Variants in OSBP2 observed in about 807,000 individuals in gnomAD.
OSBP2 encodes the protein oxysterol binding protein 2, also known as oxysterol-binding protein 2.
OSBP2 carries 66 observed loss-of-function variants against 96.0 expected under a neutral mutation model. The observed-to-expected ratio is 0.69, with a 90% confidence interval of 0.56 to 0.84. The LOEUF (loss-of-function observed/expected upper bound fraction) is 0.84. OSBP2 is among the 40% of genes least tolerant of loss of function. OSBP2 has a pLI of 0.00. For missense variants in OSBP2, 1,038 were observed against 1,222.7 expected (o/e 0.85, Z 2.25); for synonymous variants, 525 against 520.9 (o/e 1.01, Z -0.11).
intron 2 of OSBP2, among the ~76,000 whole-genome samples, chr22:30,842,045 C>T (rs574341536): frequency 1.3e-5 from 2 of 152,090 alleles, no homozygotes; most frequent in Admixed American, 1.3e-4. Flanking sequence ...TCCCTGGGCT[C>T]AGGTGATCTT....
chr22:30,813,393 C>T (rs540840737), intron 2 of OSBP2, among the ~76,000 whole-genome samples: 192 of 151,930 alleles, frequency 1.3e-3, no homozygotes, highest in South Asian at 2.7e-3. Flanking sequence ...AGGCTGGTCT[C>T]GAACTCCTGG....
chr22:30,900,115 G>A lies in OSBP2; in HGVS notation c.2376-5722G>A, dbSNP rs577088089. 3.9e-5 allele frequency among the ~76,000 whole-genome samples: 6 copies of A among 152,190 alleles called. 1 individual carries two copies. In the East Asian group the frequency reaches 7.7e-4, roughly 20 times the overall value. On this transcript the variant is annotated intron_variant, in intron 12 of 13. Coordinates refer to ENST00000332585, the MANE Select transcript of OSBP2 (RefSeq NM_030758.4). ...CTCTACTAAAAATACGACATTAGGC[G>A]TGGCGGCGCATGCCTGTAATCCCAG... is the stretch of plus-strand genomic sequence containing the variant.
At position 30,871,719 on chromosome 22, in the gene OSBP2, A is replaced by G. The variant is rs1569159203; in HGVS notation, c.1107+1037A>G. On this transcript the variant is annotated intron_variant, in intron 3 of 13. Transcript: ENST00000332585. The surrounding 1 kb of genome is among the most constrained non-coding windows in gnomAD (Gnocchi z 4.7). ...CAGGGCCGGACTGGGAGCTGGGACC[A>G]AGCTCCAGGCCCCGCAAGAAATGCA... Among the ~76,000 whole-genome samples, 1 of 152,204 alleles carries G rather than the reference A, an allele frequency of 6.6e-6. No individual in the cohort carries two copies. Among genetic ancestry groups the G allele is most frequent in the Non-Finnish European group, 1.5e-5 (1 of 68,028 alleles).
intron 2 of OSBP2, among the ~76,000 whole-genome samples, chr22:30,761,756 A>G (rs2090206922): frequency 6.6e-6 from 1 of 152,234 alleles, no homozygotes; most frequent in Non-Finnish European, 1.5e-5. Flanking sequence ...ACATTAATGG[A>G]ACAGAATGGA....
chr22:30,719,206 T>C (rs897723658), intron 1 of OSBP2, among the ~76,000 whole-genome samples: 1 of 152,012 alleles, frequency 6.6e-6, no homozygotes, highest in Admixed American at 6.6e-5. Context: ...ACTCCCCTTC[T>C]CTTTCAGCCT....
intron 1 of OSBP2, among the ~76,000 whole-genome samples, chr22:30,711,157 T>C (rs748397594): frequency 6.6e-5 from 10 of 152,072 alleles, no homozygotes; most frequent in Non-Finnish European, 1.2e-4. Flanking sequence ...AAGGGGTCAT[T>C]GTCACCCAGT....
chr22:30,872,725 C>A (rs2039484239), intron 3 of OSBP2, among the ~76,000 whole-genome samples: 1 of 152,206 alleles, frequency 6.6e-6, no homozygotes, highest in Non-Finnish European at 1.5e-5. Flanking sequence ...TGCAGTGCTG[C>A]CCCGACAGAC....
intron 2 of OSBP2, among the ~76,000 whole-genome samples, chr22:30,786,018 T>TTGTGTGTGTGTGTGTGTG (rs59686538): frequency 1.5e-4 from 22 of 148,996 alleles, no homozygotes; most frequent in African/African-American, 5.4e-4. Context: ...CTAATACAGT[T>TTGTGTGTGTGTGTGTGTG]TGTGTGTGTG....
chr22:30,882,358 C>T (rs1256457398), intron 3 of OSBP2, among the ~76,000 whole-genome samples: 2 of 152,224 alleles, frequency 1.3e-5, no homozygotes, highest in African/African-American at 4.8e-5. Context: ...ACAAAGTAAA[C>T]CCTAACAGCA....
In OSBP2 at chr22:30,874,414, A is replaced by G. The variant is rs556348947; in HGVS notation, c.1107+3732A>G. Among the ~76,000 whole-genome samples, 6 of 152,294 alleles carry G rather than the reference A, an allele frequency of 3.9e-5. 1 individual carries two copies. Among genetic ancestry groups the G allele is most frequent in the Admixed American group, 3.9e-4 (6 of 15,296 alleles). On this transcript the variant is annotated intron_variant, in intron 3 of 13. Transcript: ENST00000332585. Reference sequence around the variant, plus strand: ...CAACAGAGTGAGACTCTGTCTCAAAAAAAAAGAAAAAAGAAAAAAAGAAAA... The same window carrying G: ...CAACAGAGTGAGACTCTGTCTCAAAGAAAAAGAAAAAAGAAAAAAAGAAAA...
At position 30,889,508 on chromosome 22, in the gene OSBP2, C is replaced by G. The variant is rs778150740; in HGVS notation, c.1495C>G (p.Leu499Val). Reference sequence around the variant, plus strand: ...GTGGCAGGTACTAGATGGTGCCTCGCTCGTGCCCAAGGGTTCATCCAAAGT... The same window carrying G: ...GTGGCAGGTACTAGATGGTGCCTCGGTCGTGCCCAAGGGTTCATCCAAAGT... ...SADNVLDGAS[L>V]VPKGSSKVKR... Residue 499 changes from leucine to valine, a missense_variant, in exon 7 of 14, where the codon CTC becomes GTC. Transcript: ENST00000332585. 1 of 1,613,986 alleles carries G rather than the reference C, an allele frequency of 6.2e-7. No individual in the cohort carries two copies. The highest frequency in any genetic ancestry group is 1.3e-5 in the African/African-American group (1 of 74,908).
chr22:30,838,671 G>C (rs911476250), intron 2 of OSBP2, among the ~76,000 whole-genome samples: 4 of 151,938 alleles, frequency 2.6e-5, no homozygotes, highest in Admixed American at 2.6e-4. Flanking sequence ...ATTTTATGAC[G>C]AAGAGATGTT....
At position 30,754,054 on chromosome 22, in the gene OSBP2, A is replaced by G. The variant is rs142570920; in HGVS notation, c.853+12685A>G. On this transcript the variant is annotated intron_variant, in intron 2 of 13. Coordinates refer to ENST00000332585, the MANE Select transcript of OSBP2 (RefSeq NM_030758.4). ...ATTGTGTCACATTGATCAAACTCCA[A>G]GAAATCAGAGGCACACAGCACTTGA... Among the ~76,000 whole-genome samples the G allele has an allele frequency of 5.8e-3, 882 of 152,262 alleles. 7 individuals are homozygous for G. The highest frequency in any genetic ancestry group is 0.02 in the African/African-American group (831 of 41,558).
At chr22:30,773,103 A>AT (rs695837) in intron 2 of OSBP2, 2,737 of 123,314 alleles carry the variant, frequency 0.022, 129 homozygotes, top group African/African-American at 0.069. Context: ...GTTAAACACG[A>AT]TTTTTTTTTT....
At chr22:30,887,352 C>T in intron 3 of OSBP2, 74 bp from the exon 4 acceptor site, 4 of 1,325,112 alleles carry the variant, frequency 3.0e-6, no homozygotes, top group African/African-American at 1.4e-5. Flanking sequence ...TGGAGTTGCT[C>T]TGGTTCACAT....
intron 2 of OSBP2, among the ~76,000 whole-genome samples, chr22:30,791,321 CTTTTTTTTTTTTT>C (rs869143598): frequency 9.4e-5 from 6 of 63,996 alleles, no homozygotes; most frequent in African/African-American, 1.5e-4. Context: ...GGGGATTCTT[CTTTTTTTTTTTTT>C]TTTTTTTTTT....
At chr22:30,770,685 T>C (rs1215419904) in intron 2 of OSBP2, 1 of 152,184 alleles carries the variant, frequency 6.6e-6, no homozygotes. Flanking sequence ...GGGAGAGGTG[T>C]GTCCACAGCT....
rs562265151 is a variant in OSBP2, at chr22:30,808,406, A to G, written c.854-62023A>G. Among the ~76,000 whole-genome samples, 15 of 152,076 alleles carry G rather than the reference A, an allele frequency of 9.9e-5. No individual in the cohort carries two copies. The East Asian group carries it at 2.1e-3, about 22-fold the overall frequency. ...CCTGTAGTCCCAGCTACTCAGGACA[A>G]TGAGGTGGGAGGAACACTTGAGCTC... On this transcript the variant is annotated intron_variant, in intron 2 of 13. Coordinates refer to ENST00000332585, the MANE Select transcript of OSBP2 (RefSeq NM_030758.4).
rs555357163 is a variant in OSBP2 at position 30,779,875 on chromosome 22, G to A, written c.853+38506G>A. Among the ~76,000 whole-genome samples the A allele has an allele frequency of 2.0e-4, 30 of 152,260 alleles. No homozygotes were observed. The South Asian group carries it at 5.8e-3, about 29-fold the overall frequency. ...TTTCTCCCGGTGAAGGCTGGTCCTT[G>A]CTGCCCACCCTGGCCCACCTGGGCA... On this transcript the variant is annotated intron_variant, in intron 2 of 13. Transcript: ENST00000332585.
Sources: allele counts gnomAD v4.1 joint callset (sites outside exome capture counted in the v4.1 genomes callset), GRCh38; gene constraint gnomAD v4.1.1; non-coding constraint Gnocchi (gnomAD v3.1); transcripts MANE v1.5; gene names NCBI Gene and HGNC (gene_info 2026-07-23, HGNC 2026-07-21).